The following ADARB2 variants were observed in gnomAD, a reference collection of about 807,000 sequenced individuals.
The protein encoded by ADARB2 is adenosine deaminase RNA specific B2 (inactive).
Under a neutral mutation model 62.2 loss-of-function variants are expected in ADARB2, and 25 were observed. The observed-to-expected ratio is 0.40, with a 90% CI of 0.29 to 0.56. ADARB2 has a LOEUF of 0.56. Among genes scored for constraint, ADARB2 ranks in the 20% least tolerant of loss-of-function variants. The probability of loss-of-function intolerance (pLI) is 0.43; values close to 1 mark genes in which losing one functional copy is unlikely to be tolerated. For synonymous variants in ADARB2, 572 were observed against 500.8 expected, an observed-to-expected ratio of 1.14 and a Z score of -1.90; for missense variants, 1,071 against 1,077.4, an observed-to-expected ratio of 0.99 and a Z score of 0.08.
At chr10:1,621,462 C>T (rs1330754204) in intron 1 of ADARB2, among the ~76,000 whole-genome samples, 1 of 150,350 alleles carries the variant, frequency 6.7e-6, no homozygotes, top group Non-Finnish European at 1.5e-5. Context: ...GCCACTTGGG[C>T]TGGAGAGCAG....
chr10:1,709,037 G>A (rs1010378409), intron 1 of ADARB2, among the ~76,000 whole-genome samples: 1 of 152,172 alleles, frequency 6.6e-6, no homozygotes, highest in Non-Finnish European at 1.5e-5. Flanking sequence ...GTCGGGTCCT[G>A]AGAAACCTTC....
intron 1 of ADARB2, among the ~76,000 whole-genome samples, chr10:1,596,939 G>C (rs562731732): frequency 6.6e-6 from 1 of 152,262 alleles, no homozygotes; most frequent in South Asian, 2.1e-4. Context: ...GGAATGGGGG[G>C]GCTTCATCGC....
intron 7 of ADARB2, among the ~76,000 whole-genome samples, chr10:1,201,803 G>A (rs368025519): frequency 2.2e-5 from 3 of 134,986 alleles, no homozygotes; most frequent in South Asian, 5.2e-4. Context: ...ATTCCACAGC[G>A]TGTCTGCCTG....
rs1453784778 is a variant in ADARB2 at position 1,180,997 on chromosome 10, G to C, written c.*2196C>G. The C allele has an allele frequency of 6.6e-6, 1 of 152,230 alleles. No individual in the cohort carries two copies. Among genetic ancestry groups the C allele is most frequent in the South Asian group, 2.1e-4 (1 of 4,826 alleles). 9.4% of individuals were successfully genotyped at this position (152,230 alleles called of 1,614,324 possible). ...TCATGATGCTGGCCACTGGGTGGCC[G>C]AGCGCTTTCCGAGTCCCGTGAATCA... is the stretch of plus-strand genomic sequence containing the variant. On this transcript the variant is annotated 3_prime_UTR_variant, in exon 10 of 10. Coordinates refer to ENST00000381312, the MANE Select transcript of ADARB2 (RefSeq NM_018702.4).
At chr10:1,623,973 C>T (rs747846850) in intron 1 of ADARB2, among the ~76,000 whole-genome samples, 49 of 152,188 alleles carry the variant, frequency 3.2e-4, no homozygotes, top group Non-Finnish European at 5.9e-4. Context: ...GTGACTCACA[C>T]GTATGATCTA....
intron 1 of ADARB2, among the ~76,000 whole-genome samples, chr10:1,481,272 A>G (rs181645701): frequency 6.6e-6 from 1 of 152,352 alleles, no homozygotes; most frequent in Admixed American, 6.5e-5. Context: ...TGTAAAAAAG[A>G]GTGAAGTAAC....
At chr10:1,277,884 C>T (rs980499860) in intron 3 of ADARB2, among the ~76,000 whole-genome samples, 7 of 152,230 alleles carry the variant, frequency 4.6e-5, no homozygotes, top group African/African-American at 1.7e-4. Flanking sequence ...AATCCACCAG[C>T]ACATCAAGAA....
At chr10:1,375,999 G>T (rs1452073888) in intron 2 of ADARB2, among the ~76,000 whole-genome samples, 1 of 149,658 alleles carries the variant, frequency 6.7e-6, no homozygotes, top group Non-Finnish European at 1.5e-5. Context: ...ACACGCACAT[G>T]ACACATATAC....
chr10:1,382,706 C>CT (rs35629334), intron 1 of ADARB2, among the ~76,000 whole-genome samples: 56,241 of 143,010 alleles, frequency 0.39, 11,103 homozygotes, highest in Non-Finnish European at 0.41. Context: ...GGATGCCATA[C>CT]TTTTTTTTTT....
In ADARB2 at chr10:1,231,625, C is replaced by T. The variant is rs564060694; in HGVS notation, c.1513+2069G>A. Among the ~76,000 whole-genome samples the T allele has an allele frequency of 3.9e-5, 6 of 152,276 alleles. No individual in the cohort carries two copies. The East Asian group carries it at 1.2e-3, about 29-fold the overall frequency. On this transcript the variant is annotated intron_variant, in intron 6 of 9. Transcript: ENST00000381312. ...ACTGCAGGAAGTTCCTTTAAAAGTC[C>T]CTGAGGTTGAACAGGCTTCCTTTTC...
chr10:1,729,438 A>T (rs1230847632), intron 1 of ADARB2, among the ~76,000 whole-genome samples: 1 of 152,234 alleles, frequency 6.6e-6, no homozygotes, highest in Admixed American at 6.5e-5. Context: ...CAAGCACAGC[A>T]TCTGCTCCAG....
At chr10:1,680,591 A>G (rs1834524093) in intron 1 of ADARB2, among the ~76,000 whole-genome samples, 1 of 152,206 alleles carries the variant, frequency 6.6e-6, no homozygotes, top group African/African-American at 2.4e-5. Context: ...TCCACCAAAG[A>G]GTCCCAAGAA....
rs192833369 is a variant in ADARB2, at chr10:1,658,765, G to A, written c.100+78286C>T. ...AGGTCGTCAAGACTTTGAAGCAAGA[G>A]CCTCAGATGCAATTAGCAGGACCTG... On this transcript the variant is annotated intron_variant, in intron 1 of 9. Coordinates refer to ENST00000381312, the MANE Select transcript of ADARB2 (RefSeq NM_018702.4). Among the ~76,000 whole-genome samples, 4 of 152,358 alleles carry A rather than the reference G, an allele frequency of 2.6e-5. No individual in the cohort carries two copies. The East Asian group carries it at 7.7e-4, about 29-fold the overall frequency.
At chr10:1,668,813 T>C (rs956022303) in intron 1 of ADARB2, among the ~76,000 whole-genome samples, 1 of 152,246 alleles carries the variant, frequency 6.6e-6, no homozygotes, top group Non-Finnish European at 1.5e-5. Flanking sequence ...GCTTTCTTTC[T>C]AAATAAAACA....
chr10:1,587,948 C>T lies in ADARB2; in HGVS notation c.100+149103G>A, dbSNP rs563088083. ...CCTCTGCCATGATTGTGAGGCCTCC[C>T]TAGTCTCATGGAACTGTGAGTCCAT... On this transcript the variant is annotated intron_variant, in intron 1 of 9. Coordinates refer to ENST00000381312, the MANE Select transcript of ADARB2 (RefSeq NM_018702.4). Among the ~76,000 whole-genome samples, 13 of 152,230 alleles carry T rather than the reference C, an allele frequency of 8.5e-5. No homozygotes were observed. In the South Asian group the frequency reaches 1.7e-3, roughly 19 times the overall value.
rs1452358227 is a variant in ADARB2, at chr10:1,245,583, C to G, written c.1193-3284G>C. Among the ~76,000 whole-genome samples the G allele has an allele frequency of 3.3e-5, 5 of 149,708 alleles. No homozygotes were observed. The East Asian group carries it at 9.9e-4, about 30-fold the overall frequency. On this transcript the variant is annotated intron_variant, in intron 4 of 9. Coordinates refer to ENST00000381312, the MANE Select transcript of ADARB2 (RefSeq NM_018702.4). ...ATTCCCACCTATGAGTGAGGACATG[C>G]GGTGTTTGGTTTTTTGTCCTTGTGA...
chr10:1,192,357 A>G (rs1406439578), intron 8 of ADARB2, among the ~76,000 whole-genome samples: 1 of 152,218 alleles, frequency 6.6e-6, no homozygotes, highest in Non-Finnish European at 1.5e-5. Flanking sequence ...CTATATGGCC[A>G]GACACGCTGC....
intron 1 of ADARB2, among the ~76,000 whole-genome samples, chr10:1,488,674 C>T (rs565754089): frequency 1.3e-5 from 2 of 152,288 alleles, no homozygotes; most frequent in Middle Eastern, 3.4e-3. Context: ...GGCGAATGCA[C>T]GTCCGCTCCT....
intron 1 of ADARB2, among the ~76,000 whole-genome samples, chr10:1,580,007 A>G (rs1833075212): frequency 6.6e-6 from 1 of 151,544 alleles, no homozygotes; most frequent in South Asian, 2.1e-4. Context: ...AACAGTCTCC[A>G]CTCCCCCAGG....
Sources: allele counts gnomAD v4.1 joint callset (sites outside exome capture counted in the v4.1 genomes callset), GRCh38; gene constraint gnomAD v4.1.1; transcripts MANE v1.5; gene names NCBI Gene and HGNC (gene_info 2026-07-23, HGNC 2026-07-21).